SLC44A5: variants seen among roughly 807,000 people sequenced by gnomAD.
The protein encoded by SLC44A5 is solute carrier family 44 member 5, also known as choline transporter-like protein 5.
In SLC44A5, 57 loss-of-function variants were observed where a neutral mutation model predicts 101.8. The ratio of observed to expected loss-of-function variants is 0.56; its 90% CI spans 0.45 to 0.70. The LOEUF (loss-of-function observed/expected upper bound fraction) is 0.70. Among genes scored for constraint, SLC44A5 ranks in the 30% least tolerant of loss-of-function variants. The pLI, the probability that SLC44A5 is intolerant of heterozygous loss-of-function variation, is 0.00. For synonymous variants in SLC44A5, 281 were observed against 290.9 expected, an observed-to-expected ratio of 0.97 and a Z score of 0.35; for missense variants, 737 against 853.1, an observed-to-expected ratio of 0.86 and a Z score of 1.70.
chr1:75,232,921 T>C (rs1260749687), intron 12 of SLC44A5, among the ~76,000 whole-genome samples: 5 of 152,198 alleles, frequency 3.3e-5, no homozygotes, highest in Non-Finnish European at 2.9e-5. Flanking sequence ...CTCTTCTTCA[T>C]TGAATGACAG....
chr1:75,720,550 C>G, the SLC44A5 span: 1 of 152,142 alleles, frequency 6.6e-6, no homozygotes. Flanking sequence ...AAATTACTTC[C>G]TAATTGCAAA....
At chr1:75,412,097 A>T (rs1424427552) in intron 2 of SLC44A5, among the ~76,000 whole-genome samples, 1 of 152,186 alleles carries the variant, frequency 6.6e-6, no homozygotes, top group Non-Finnish European at 1.5e-5. Flanking sequence ...CAGGAAGAAA[A>T]TATAGCACTT....
At chr1:75,434,036 C>T (rs1664755678) in intron 2 of SLC44A5, among the ~76,000 whole-genome samples, 1 of 152,052 alleles carries the variant, frequency 6.6e-6, no homozygotes, top group South Asian at 2.1e-4. Flanking sequence ...GCCCCTCCCG[C>T]AACACATGGG....
intron 1 of SLC44A5, among the ~76,000 whole-genome samples, chr1:75,610,305 A>T (rs959856327): frequency 9.9e-5 from 15 of 152,080 alleles, no homozygotes; most frequent in Admixed American, 2.0e-4. Flanking sequence ...ATATTTCTAC[A>T]TCAGCTCCCT....
intron 3 of SLC44A5, among the ~76,000 whole-genome samples, chr1:75,367,679 C>G (rs186133235): frequency 6.6e-6 from 1 of 152,252 alleles, no homozygotes; most frequent in Admixed American, 6.5e-5. Flanking sequence ...AAGACTAAGG[C>G]CAAATGGGGC....
the SLC44A5 span, among the ~76,000 whole-genome samples, chr1:75,703,470 A>G: frequency 5.7e-4 from 86 of 149,926 alleles, 1 homozygote; most frequent in South Asian, 0.018. Flanking sequence ...ATAAGAACAC[A>G]TGGACACAGG....
intron 2 of SLC44A5, among the ~76,000 whole-genome samples, chr1:75,405,094 C>A (rs1662757800): frequency 6.6e-6 from 1 of 152,126 alleles, no homozygotes; most frequent in African/African-American, 2.4e-5. Context: ...ATAGAAGAGA[C>A]AAAGAAGGGC....
chr1:75,396,841 C>A (rs1249813), intron 2 of SLC44A5, among the ~76,000 whole-genome samples: 75,104 of 151,884 alleles, frequency 0.49, 20,037 homozygotes, highest in East Asian at 0.94. Context: ...CATGAAGGTG[C>A]TGGAGGTAAG....
chr1:75,721,490 G>T, the SLC44A5 span, among the ~76,000 whole-genome samples: 1 of 152,200 alleles, frequency 6.6e-6, no homozygotes, highest in Admixed American at 6.5e-5. Context: ...TTTTCTTCCA[G>T]TGTGGCCCAG....
chr1:75,602,833 G>T (rs1377201093), intron 1 of SLC44A5, among the ~76,000 whole-genome samples: 1 of 152,024 alleles, frequency 6.6e-6, no homozygotes, highest in African/African-American at 2.4e-5. Flanking sequence ...TATGACTTTG[G>T]ATATTTTTAA....
At chr1:75,656,464 T>G in the SLC44A5 span, among the ~76,000 whole-genome samples, 1 of 152,190 alleles carries the variant, frequency 6.6e-6, no homozygotes, top group African/African-American at 2.4e-5. Flanking sequence ...TTTGTTGAGA[T>G]AGGCTATATA....
intron 13 of SLC44A5, among the ~76,000 whole-genome samples, chr1:75,227,114 C>T (rs889021536): frequency 2.0e-5 from 3 of 152,066 alleles, no homozygotes; most frequent in African/African-American, 4.8e-5. Context: ...TGGCTCATGC[C>T]AGCATGTTAG....
At chr1:75,660,903 C>T in the SLC44A5 span, among the ~76,000 whole-genome samples, 2 of 151,778 alleles carry the variant, frequency 1.3e-5, no homozygotes, top group Non-Finnish European at 2.9e-5. Context: ...AATGTCCATA[C>T]TTTGTAGACC....
intron 1 of SLC44A5, among the ~76,000 whole-genome samples, chr1:75,580,873 G>C (rs1231332777): frequency 6.6e-6 from 1 of 151,042 alleles, no homozygotes; most frequent in Non-Finnish European, 1.5e-5. Context: ...AACAAAGAAA[G>C]GAAAGGAAAG....
At chr1:75,211,148 C>A (rs192118351) in intron 23 of SLC44A5, among the ~76,000 whole-genome samples, 1 of 152,236 alleles carries the variant, frequency 6.6e-6, no homozygotes, top group Admixed American at 6.5e-5. Flanking sequence ...AAAGTTTGTA[C>A]CCTTTGACCA....
intron 3 of SLC44A5, among the ~76,000 whole-genome samples, chr1:75,376,238 A>G (rs901249219): frequency 2.0e-5 from 3 of 152,226 alleles, no homozygotes; most frequent in Non-Finnish European, 4.4e-5. Flanking sequence ...ATCAAACTGC[A>G]AGGCGGCAGC....
intron 1 of SLC44A5, among the ~76,000 whole-genome samples, chr1:75,571,815 G>A (rs775995101): frequency 4.6e-5 from 7 of 152,044 alleles, no homozygotes; most frequent in South Asian, 2.1e-4. Flanking sequence ...CTGTATAAGA[G>A]AAAATAGTAA....
chr1:75,520,319 C>T (rs1670047522), intron 2 of SLC44A5, among the ~76,000 whole-genome samples: 1 of 152,138 alleles, frequency 6.6e-6, no homozygotes, highest in African/African-American at 2.4e-5. Flanking sequence ...CATAGTTAAA[C>T]CATGTCTCTA....
At chr1:75,346,511 G>A (rs915817496) in intron 3 of SLC44A5, among the ~76,000 whole-genome samples, 1 of 152,002 alleles carries the variant, frequency 6.6e-6, no homozygotes, top group African/African-American at 2.4e-5. Context: ...ACGTTTAGGG[G>A]GCATTTGAAA....
Sources: gnomAD v4.1 joint callset for allele counts (sites outside exome capture counted in the v4.1 genomes callset) on GRCh38, gnomAD v4.1.1 for gene constraint, MANE v1.5 for transcripts, NCBI Gene and HGNC (gene_info 2026-07-23, HGNC 2026-07-21) for gene names.